LRRC4C: variants seen among roughly 807,000 people sequenced by gnomAD.
LRRC4C encodes leucine-rich repeat-containing protein 4C.
In LRRC4C, 5 loss-of-function variants were observed where a neutral mutation model predicts 33.6. That is an observed-to-expected ratio of 0.15 (90% confidence interval 0.08 to 0.31). The LOEUF (loss-of-function observed/expected upper bound fraction) is 0.31, where lower values mean the gene tolerates loss of function less well. Ranked by LOEUF, LRRC4C falls within the 10% of genes least tolerant of loss-of-function variation. The pLI is 1.00. For missense variants in LRRC4C, 560 were observed against 796.7 expected (o/e 0.70, Z 3.58); for synonymous variants, 329 against 302.0 (o/e 1.09, Z -0.93).
In LRRC4C at chr11:41,058,156, G is replaced by A. The variant is rs75767564; in HGVS notation, c.-495-124433C>T. The stretch of plus-strand genomic sequence containing the variant: ...GCAAAGAGAAGGAAAGAAGAACTGC[G>A]ATTCTTCAGGGACCCCAGACCTGGG... On this transcript the variant is annotated intron_variant, in intron 1 of 6. Transcript: ENST00000528697. 9.8e-3 allele frequency among the ~76,000 whole-genome samples: 1,494 copies of A among 152,328 alleles called. 24 individuals are homozygous for A. Among genetic ancestry groups the A allele is most frequent in the African/African-American group, 0.034 (1,429 of 41,566 alleles).
At chr11:40,369,969 A>G (rs954034824) in intron 3 of LRRC4C, among the ~76,000 whole-genome samples, 4 of 152,180 alleles carry the variant, frequency 2.6e-5, no homozygotes, top group Admixed American at 2.6e-4. Flanking sequence ...GAATATATCG[A>G]TCAGGTTATT....
chr11:40,887,043 T>C (rs1238182466), intron 2 of LRRC4C, among the ~76,000 whole-genome samples: 1 of 150,872 alleles, frequency 6.6e-6, no homozygotes, highest in Non-Finnish European at 1.5e-5. Context: ...TATATACATA[T>C]AGAAAGTAGC....
At chr11:41,403,915 C>T (rs761390278) in intron 1 of LRRC4C, among the ~76,000 whole-genome samples, 7 of 151,618 alleles carry the variant, frequency 4.6e-5, no homozygotes, top group African/African-American at 1.2e-4. Context: ...GGGCAAAAAA[C>T]GTGCACTTAT....
chr11:41,404,208 C>A (rs1446737447), intron 1 of LRRC4C, among the ~76,000 whole-genome samples: 2 of 151,956 alleles, frequency 1.3e-5, no homozygotes, highest in Non-Finnish European at 2.9e-5. Context: ...CTTTCTCTGG[C>A]ATCCCATAAT....
At chr11:40,192,766 G>A (rs1023652660) in intron 5 of LRRC4C, among the ~76,000 whole-genome samples, 1 of 152,110 alleles carries the variant, frequency 6.6e-6, no homozygotes, top group Non-Finnish European at 1.5e-5. Context: ...GCTTGGTGGG[G>A]GGAGGGGCGT....
intron 3 of LRRC4C, among the ~76,000 whole-genome samples, chr11:40,624,797 C>A (rs1410756323): frequency 1.3e-5 from 2 of 152,034 alleles, no homozygotes; most frequent in Non-Finnish European, 2.9e-5. Context: ...TCTAATTTGG[C>A]CTTAATATCA....
intron 1 of LRRC4C, among the ~76,000 whole-genome samples, chr11:41,437,418 C>T (rs1481759930): frequency 3.5e-5 from 4 of 115,256 alleles, no homozygotes; most frequent in Non-Finnish European, 5.6e-5. Flanking sequence ...CAAACGCGCG[C>T]GCGCGCGCAC....
intron 1 of LRRC4C, among the ~76,000 whole-genome samples, chr11:41,012,797 A>G (rs1007682387): frequency 6.6e-6 from 1 of 151,994 alleles, no homozygotes; most frequent in African/African-American, 2.4e-5. Context: ...GGGTGAGATG[A>G]TATCTCTTTG....
intron 1 of LRRC4C, among the ~76,000 whole-genome samples, chr11:41,127,123 A>G (rs1387684611): frequency 6.6e-6 from 1 of 152,152 alleles, no homozygotes; most frequent in Non-Finnish European, 1.5e-5. Flanking sequence ...TTTTTTCTGT[A>G]TACATTTTAA....
intron 5 of LRRC4C, among the ~76,000 whole-genome samples, chr11:40,196,794 T>C (rs1862302679): frequency 6.6e-6 from 1 of 152,234 alleles, no homozygotes; most frequent in Non-Finnish European, 1.5e-5. Flanking sequence ...TATTACTCTG[T>C]ATATACAAAT....
chr11:40,992,325 TAA>T (rs1334733362), intron 1 of LRRC4C, among the ~76,000 whole-genome samples: 1 of 152,096 alleles, frequency 6.6e-6, no homozygotes, highest in African/African-American at 2.4e-5. Context: ...TTATTTATGT[TAA>T]GATATAATAG....
At chr11:40,312,382 T>A (rs1040432525) in intron 4 of LRRC4C, among the ~76,000 whole-genome samples, 13 of 152,214 alleles carry the variant, frequency 8.5e-5, no homozygotes, top group African/African-American at 3.1e-4. Flanking sequence ...TTTGTCTTCC[T>A]CCTTCTTTGA....
At chr11:40,512,454 C>T (rs1955367189) in intron 3 of LRRC4C, among the ~76,000 whole-genome samples, 1 of 152,200 alleles carries the variant, frequency 6.6e-6, no homozygotes, top group Non-Finnish European at 1.5e-5. Context: ...TGTGTTGTAT[C>T]TCACAGTTGT....
chr11:40,927,314 C>T (rs1957443857), intron 2 of LRRC4C, among the ~76,000 whole-genome samples: 2 of 149,710 alleles, frequency 1.3e-5, no homozygotes, highest in Non-Finnish European at 3.0e-5. Context: ...GCGGAGGTTG[C>T]AATGAGCCAA....
chr11:40,251,603 G>T (rs765764859), intron 4 of LRRC4C, among the ~76,000 whole-genome samples: 1 of 152,134 alleles, frequency 6.6e-6, no homozygotes, highest in Admixed American at 6.6e-5. Context: ...CAAAGGTCAG[G>T]GGGCCTGCAT....
chr11:40,999,798 A>G (rs1386174058), intron 1 of LRRC4C, among the ~76,000 whole-genome samples: 3 of 152,134 alleles, frequency 2.0e-5, no homozygotes, highest in Non-Finnish European at 2.9e-5. Context: ...TTGGAAGCAC[A>G]AAATAAGGAA....
rs1381021508 is a variant in LRRC4C at position 40,115,189 on chromosome 11, G to A, written c.1104C>T (p.Gly368=). 3.7e-6 allele frequency: 6 copies of A among 1,614,198 alleles called. No homozygotes were observed. Among genetic ancestry groups the A allele is most frequent in the Non-Finnish European group, 5.1e-6 (6 of 1,180,036 alleles). ...EPPADLNVTE[G]MAAELKCRAS... ...CCCGACATTTCAGCTCAGCTGCCAT[G>A]CCTTCAGTGACATTGAGGTCTGCAG... Residue 368 remains glycine, a synonymous_variant, in exon 7 of 7, where the codon GGC becomes GGT. Transcript: ENST00000528697. This position sits in a 1 kb window ranked among gnomAD's most constrained non-coding sequence, Gnocchi z 6.7.
chr11:41,330,851 T>C (rs1020154713), intron 1 of LRRC4C, among the ~76,000 whole-genome samples: 20 of 152,140 alleles, frequency 1.3e-4, no homozygotes, highest in African/African-American at 4.6e-4. Flanking sequence ...TACAAGTATA[T>C]ATATACATTA....
chr11:41,241,026 T>A (rs1462955055), intron 1 of LRRC4C, among the ~76,000 whole-genome samples: 2 of 152,180 alleles, frequency 1.3e-5, no homozygotes, highest in Admixed American at 1.3e-4. Flanking sequence ...GGTTCTATAA[T>A]TACCTTGCTT....
Sources: gnomAD v4.1 joint callset for allele counts (sites outside exome capture counted in the v4.1 genomes callset) on GRCh38, gnomAD v4.1.1 for gene constraint, Gnocchi (gnomAD v3.1) non-coding constraint, MANE v1.5 for transcripts, NCBI Gene and HGNC (gene_info 2026-07-23, HGNC 2026-07-21) for gene names.